Variants in ARHGEF33 observed in about 807,000 individuals in gnomAD.
ARHGEF33 encodes the protein Rho guanine nucleotide exchange factor 33.
Under a neutral mutation model 101.9 loss-of-function variants are expected in ARHGEF33, and 72 were observed. The observed-to-expected ratio is 0.71, with a 90% CI of 0.58 to 0.86. The LOEUF (loss-of-function observed/expected upper bound fraction) is 0.86. Among genes scored for constraint, ARHGEF33 ranks in the 40% least tolerant of loss-of-function variants. ARHGEF33 has a pLI of 0.00. For missense variants in ARHGEF33, 1,169 were observed against 1,111.3 expected (o/e 1.05, Z -0.74); for synonymous variants, 499 against 442.5 (o/e 1.13, Z -1.60).
intron 3 of ARHGEF33, 79 bp downstream of exon 3, chr2:38,919,551 G>C (rs1666710565): frequency 1.5e-6 from 2 of 1,363,042 alleles, no homozygotes; most frequent in East Asian, 2.5e-5. Context: ...CCACTGTCTC[G>C]AGACATGACA....
chr2:38,932,484 A>G (rs1034909639), intron 7 of ARHGEF33, among the ~76,000 whole-genome samples: 2 of 151,942 alleles, frequency 1.3e-5, no homozygotes, highest in Non-Finnish European at 2.9e-5. Context: ...AGAGACTGAT[A>G]GGTGCAGCCT....
intron 2 of ARHGEF33, among the ~76,000 whole-genome samples, chr2:38,907,973 C>G (rs1666429660): frequency 6.6e-6 from 1 of 151,682 alleles, no homozygotes; most frequent in Non-Finnish European, 1.5e-5. Context: ...ATCCTCCCAC[C>G]TCAGCCTCTC....
intron 16 of ARHGEF33, 84 bp from the exon 17 acceptor site, chr2:38,965,922 C>A: frequency 6.7e-7 from 1 of 1,492,690 alleles, no homozygotes; most frequent in Non-Finnish European, 9.0e-7. Context: ...AGGAAAGTCA[C>A]AACACCACAA....
chr2:38,965,946 TC>T, intron 16 of ARHGEF33, 59 bp from the exon 17 acceptor site: 1 of 1,537,560 alleles, frequency 6.5e-7, no homozygotes, highest in Non-Finnish European at 8.8e-7. Context: ...TGTCCCATAG[TC>T]AGGATCCATA....
chr2:38,905,341 A>G (rs1397666526), intron 2 of ARHGEF33, among the ~76,000 whole-genome samples: 1 of 152,238 alleles, frequency 6.6e-6, no homozygotes, highest in East Asian at 1.9e-4. Flanking sequence ...GATTAAACAA[A>G]AGAACAGTTA....
chr2:38,910,240 G>A (rs770283870), intron 2 of ARHGEF33, among the ~76,000 whole-genome samples: 22 of 152,178 alleles, frequency 1.4e-4, no homozygotes, highest in Non-Finnish European at 2.8e-4. Flanking sequence ...AATAATGTAT[G>A]TTTTCCTAGA....
intron 6 of ARHGEF33, among the ~76,000 whole-genome samples, chr2:38,930,298 A>G (rs1666966671): frequency 6.6e-6 from 1 of 152,106 alleles, no homozygotes; most frequent in South Asian, 2.1e-4. Context: ...ACCATTAAAC[A>G]TATATAATCT....
chr2:38,922,359 T>A (rs1000703629), intron 4 of ARHGEF33, among the ~76,000 whole-genome samples: 1 of 152,064 alleles, frequency 6.6e-6, no homozygotes, highest in African/African-American at 2.4e-5. Context: ...CAAGCAGAAA[T>A]ACAGGAGTCC....
At position 38,954,250 on chromosome 2, in the gene ARHGEF33, G is replaced by A. The variant is rs1476696912; in HGVS notation, c.1138-123G>A. ...CTCCTATGAGACAGCAATGCTCTAT[G>A]ACAATCTCTGGGAAGAAAATGCTCT... On this transcript the variant is annotated intron_variant, in intron 12 of 17. Coordinates refer to ENST00000409978, the MANE Select transcript of ARHGEF33 (RefSeq NM_001145451.5). The A allele has an allele frequency of 6.1e-6, 4 of 654,722 alleles. No individual in the cohort carries two copies. In the African/African-American group the frequency reaches 7.2e-5, roughly 12 times the overall value. The allele number at this position is 654,722 out of a possible 1,614,324, so 40.6% of individuals were successfully genotyped here.
At position 38,960,311 on chromosome 2, in the gene ARHGEF33, C is replaced by T. The variant is rs1271545776; in HGVS notation, c.2006C>T (p.Pro669Leu). Reference protein sequence around the residue: ...PVSFAMEAERPEHPLQPLPKS... With the variant: ...PVSFAMEAERLEHPLQPLPKS... The stretch of plus-strand genomic sequence containing the variant: ...AGCTTCGCCATGGAGGCCGAGCGGC[C>T]GGAGCACCCGCTGCAGCCGCTGCCC... The change falls in exon 16 of 18, where the codon CCG becomes CTG. Residue 669 changes from proline to leucine, a missense_variant. Physicochemically the swap from Pro to Leu is moderately conservative, Grantham distance 98. Transcript: ENST00000409978. The T allele has an allele frequency of 1.9e-6, 3 of 1,543,762 alleles. No homozygotes were observed. In the African/African-American group the frequency reaches 4.1e-5, roughly 21 times the overall value.
Position 38,960,076 on chromosome 2 carries a change from G to A in ARHGEF33, c.1771G>A (p.Val591Met), listed in dbSNP as rs183623259. The A allele has an allele frequency of 1.3e-6, 2 of 1,542,198 alleles. No homozygotes were observed. Among genetic ancestry groups the A allele is most frequent in the Non-Finnish European group, 1.7e-6 (2 of 1,143,918 alleles). ...CTCTCCGGCGGAGCCGCTGGGCAAC[G>A]TGGAGCGCTCCCTGCGCGCCCCGGC... is the stretch of plus-strand genomic sequence containing the variant. ...ESSPAEPLGN[V>M]ERSLRAPAEL... Residue 591 changes from valine (V) to methionine (M), a missense_variant, in exon 16 of 18, where the codon GTG becomes ATG. Transcript: ENST00000409978.
chr2:38,973,842 A>G lies in ARHGEF33; in HGVS notation c.2612A>G (p.Ter871=), dbSNP rs1668217318. ...ANDLDQGTAV[*] ...GACCTTGACCAAGGAACAGCTGTGT[A>G]AAACATACTTAAAGTTGTATTGTCA... Residue 871 remains the stop codon, a stop_retained_variant, in exon 18 of 18, where the codon TAA becomes TGA. Transcript: ENST00000409978. 6.5e-7 allele frequency: 1 copy of G among 1,544,866 alleles called. No homozygotes were observed. Among genetic ancestry groups the G allele is most frequent in the Non-Finnish European group, 8.7e-7 (1 of 1,144,270 alleles).
chr2:38,935,937 A>C (rs1190972335), intron 8 of ARHGEF33, 103 bp downstream of exon 8: 1 of 939,202 alleles, frequency 1.1e-6, no homozygotes, highest in African/African-American at 1.7e-5. Flanking sequence ...CAGGCATGAA[A>C]GAACTCACAA....
Position 38,960,326 on chromosome 2 carries a change from A to C in ARHGEF33, c.2021A>C (p.Gln674Pro). Residue 674 changes from glutamine to proline, a missense_variant, in exon 16 of 18, where the codon CAG becomes CCG. Gln to Pro is a moderately conservative substitution (Grantham distance 76, BLOSUM62 -1). Transcript: ENST00000409978. Reference protein sequence around the residue: ...MEAERPEHPLQPLPKSATSPA... With the variant: ...MEAERPEHPLPPLPKSATSPA... ...GCCGAGCGGCCGGAGCACCCGCTGC[A>C]GCCGCTGCCCAAGAGCGCTACGTCG... The C allele has an allele frequency of 6.5e-7, 1 of 1,541,442 alleles. No homozygotes were observed.
At chr2:38,905,675 C>T (rs1303994122) in intron 2 of ARHGEF33, among the ~76,000 whole-genome samples, 3 of 152,308 alleles carry the variant, frequency 2.0e-5, no homozygotes, top group African/African-American at 7.2e-5. Context: ...AGTTCTACAG[C>T]AGGAAGCCTG....
At chr2:38,927,950 G>A (rs925543179) in intron 4 of ARHGEF33, among the ~76,000 whole-genome samples, 2 of 152,080 alleles carry the variant, frequency 1.3e-5, no homozygotes, top group Non-Finnish European at 2.9e-5. Context: ...TTCTGTTTGT[G>A]CTTAACTTTT....
At chr2:38,944,902 C>CGTGT (rs57269243) in intron 10 of ARHGEF33, among the ~76,000 whole-genome samples, 1 of 147,942 alleles carries the variant, frequency 6.8e-6, no homozygotes, top group Non-Finnish European at 1.5e-5. Flanking sequence ...TGTGTGTGTG[C>CGTGT]GCGCTCATAG....
At chr2:38,893,155 TC>T (rs1666042440) in intron 1 of ARHGEF33, among the ~76,000 whole-genome samples, 1 of 76,518 alleles carries the variant, frequency 1.3e-5, no homozygotes, top group Non-Finnish European at 2.8e-5. Flanking sequence ...CCTCTGGTAA[TC>T]CTTTTTTTTT....
chr2:38,940,766 G>A (rs778630539), intron 9 of ARHGEF33, among the ~76,000 whole-genome samples: 3 of 152,198 alleles, frequency 2.0e-5, no homozygotes, highest in South Asian at 2.1e-4. Flanking sequence ...CGTACAGCAA[G>A]CTATTGCAGC....
Sources: allele counts gnomAD v4.1 joint callset (sites outside exome capture counted in the v4.1 genomes callset), GRCh38; gene constraint gnomAD v4.1.1; transcripts MANE v1.5; gene names NCBI Gene and HGNC (gene_info 2026-07-23, HGNC 2026-07-21).